Variants in SMC5 observed in about 807,000 individuals in gnomAD.
SMC5 encodes structural maintenance of chromosomes 5, also known as structural maintenance of chromosomes protein 5.
SMC5 carries 88 observed loss-of-function variants against 148.3 expected under a neutral mutation model. The observed-to-expected ratio is 0.59, with a 90% CI of 0.50 to 0.71. The LOEUF (loss-of-function observed/expected upper bound fraction) is 0.71. Ranked by LOEUF, SMC5 falls within the 30% of genes least tolerant of loss-of-function variation. The pLI is 0.00. For synonymous variants in SMC5, 421 were observed against 432.8 expected (o/e 0.97, Z 0.34); for missense variants, 1,142 against 1,298.9 (o/e 0.88, Z 1.86).
chr9:70,260,839 C>T (rs979224785), intron 1 of SMC5, among the ~76,000 whole-genome samples: 1 of 152,184 alleles, frequency 6.6e-6, no homozygotes, highest in Admixed American at 6.5e-5. Flanking sequence ...ACCTCCCCTT[C>T]TCAAGTGATC....
chr9:70,265,204 C>T (rs568806683), intron 2 of SMC5, among the ~76,000 whole-genome samples: 5 of 152,154 alleles, frequency 3.3e-5, no homozygotes, highest in African/African-American at 1.2e-4. Context: ...TGGCTGGGTG[C>T]GGTAGCTCAT....
intron 17 of SMC5, among the ~76,000 whole-genome samples, chr9:70,331,044 A>G (rs2036205921): frequency 6.6e-6 from 1 of 152,242 alleles, no homozygotes; most frequent in South Asian, 2.1e-4. Flanking sequence ...GTCAGATAGT[A>G]AATTTTCATC....
chr9:70,260,178 C>T (rs963839178), intron 1 of SMC5, among the ~76,000 whole-genome samples: 1 of 152,168 alleles, frequency 6.6e-6, no homozygotes, highest in Admixed American at 6.5e-5. Flanking sequence ...AATCTCGGCT[C>T]ACTGCAACCT....
At chr9:70,298,295 T>C in intron 9 of SMC5, 74 bp downstream of exon 9, 1 of 1,456,402 alleles carries the variant, frequency 6.9e-7, no homozygotes, top group Non-Finnish European at 9.2e-7. Flanking sequence ...TTCTTCTGCT[T>C]CTATAATTAT....
intron 8 of SMC5, among the ~76,000 whole-genome samples, chr9:70,295,156 C>A (rs1040161161): frequency 6.6e-6 from 1 of 151,958 alleles, no homozygotes; most frequent in Non-Finnish European, 1.5e-5. Context: ...AGCCAAGTTT[C>A]CATTAGAACA....
chr9:70,349,550 T>A (rs1235778932), intron 22 of SMC5, among the ~76,000 whole-genome samples: 1 of 152,196 alleles, frequency 6.6e-6, no homozygotes, highest in Non-Finnish European at 1.5e-5. Flanking sequence ...TTTTGCTGAG[T>A]ATTGTGTGTA....
At chr9:70,263,824 G>C (rs1263563674) in intron 1 of SMC5, among the ~76,000 whole-genome samples, 2 of 152,062 alleles carry the variant, frequency 1.3e-5, no homozygotes, top group African/African-American at 4.8e-5. Context: ...TGAAACCTTT[G>C]GGTTGAGATA....
At chr9:70,313,276 T>C (rs927202062) in intron 11 of SMC5, among the ~76,000 whole-genome samples, 1 of 152,196 alleles carries the variant, frequency 6.6e-6, no homozygotes, top group Non-Finnish European at 1.5e-5. Context: ...AGTTCTAGAA[T>C]TTTCATTTAA....
chr9:70,300,054 G>A lies in SMC5; in HGVS notation c.1318G>A (p.Asp440Asn), dbSNP rs747834065. 33 of 1,567,048 alleles carry A rather than the reference G, an allele frequency of 2.1e-5. No individual in the cohort carries two copies. The East Asian group carries it at 2.8e-4, about 13-fold the overall frequency. ...TTGTTTTACAATTTTAGGTGTGGAC[G>A]ATCATATTGTACGTTTTGACAATCT... Reference protein sequence around the residue: ...TLEKEKKSVDDHIVRFDNLMN... With the variant: ...TLEKEKKSVDNHIVRFDNLMN... Residue 440 changes from aspartate (D) to asparagine (N), a missense_variant, in exon 10 of 25, where the codon GAT (aspartate) becomes AAT (asparagine). Transcript: ENST00000361138.
chr9:70,263,730 T>C (rs1044327824), intron 1 of SMC5, among the ~76,000 whole-genome samples: 9 of 152,228 alleles, frequency 5.9e-5, no homozygotes, highest in African/African-American at 2.2e-4. Flanking sequence ...AGTAGTACCC[T>C]GGCCTCAGGC....
At chr9:70,319,278 T>C (rs542644290) in intron 15 of SMC5, among the ~76,000 whole-genome samples, 133 of 152,348 alleles carry the variant, frequency 8.7e-4, no homozygotes, top group African/African-American at 3.1e-3. Context: ...AAACTGAGAA[T>C]GTTTAAAATA....
At position 70,266,285 on chromosome 9, in the gene SMC5, T is replaced by A. The variant is rs150653244; in HGVS notation, c.328-1638T>A. 3.9e-3 allele frequency among the ~76,000 whole-genome samples: 599 copies of A among 152,266 alleles called. 3 individuals carry two copies. Among genetic ancestry groups the A allele is most frequent in the African/African-American group, 0.013 (554 of 41,542 alleles). On this transcript the variant is annotated intron_variant, in intron 2 of 24. Transcript: ENST00000361138. ...TGTGTTTAGTGCTATATGGAAGACA[T>A]TTATCAGGTAGAAGATACTTTTCTC...
At chr9:70,318,411 A>T in intron 13 of SMC5, 103 bp from the exon 14 acceptor site, 1 of 982,950 alleles carries the variant, frequency 1.0e-6, no homozygotes, top group Non-Finnish European at 1.4e-6. Flanking sequence ...TATATCTCGT[A>T]TATTTTGATC....
intron 2 of SMC5, among the ~76,000 whole-genome samples, chr9:70,265,747 G>A (rs938316587): frequency 6.6e-6 from 1 of 152,130 alleles, no homozygotes; most frequent in Non-Finnish European, 1.5e-5. Context: ...ACAGACTTTA[G>A]AGCAAAAAGT....
At chr9:70,303,509 G>A (rs1310945774) in intron 10 of SMC5, among the ~76,000 whole-genome samples, 1 of 152,066 alleles carries the variant, frequency 6.6e-6, no homozygotes, top group Non-Finnish European at 1.5e-5. Flanking sequence ...TGGTTTTCAT[G>A]TGGTTTTAAT....
intron 1 of SMC5, among the ~76,000 whole-genome samples, chr9:70,260,123 G>C (rs938037413): frequency 2.0e-5 from 3 of 150,322 alleles, no homozygotes; most frequent in Admixed American, 2.0e-4. Context: ...TTTTGTTTTT[G>C]AGACGGAGTG....
rs1210110699 is a variant in SMC5, at chr9:70,352,751, A to G, written c.*420A>G. ...CTAAGTCCTAGTTTCTCCCAATGTTATATTTAATTTTAAAAAATTGATATG... is the reference window on the plus strand; with the variant it reads ...CTAAGTCCTAGTTTCTCCCAATGTTGTATTTAATTTTAAAAAATTGATATG... On this transcript the variant is annotated 3_prime_UTR_variant, in exon 25 of 25. Coordinates refer to ENST00000361138, the MANE Select transcript of SMC5 (RefSeq NM_015110.4). 1 of 153,728 alleles carries G rather than the reference A, an allele frequency of 6.5e-6. No individual in the cohort carries two copies. Among genetic ancestry groups the G allele is most frequent in the Non-Finnish European group, 1.4e-5 (1 of 69,138 alleles). The allele number at this position is 153,728 out of a possible 1,614,324, so 9.5% of individuals were successfully genotyped here. A position where few individuals can be genotyped will look rare whatever the true frequency, so the allele number is the denominator to read the frequency against.
chr9:70,303,570 A>G (rs2035418885), intron 10 of SMC5, among the ~76,000 whole-genome samples: 1 of 152,182 alleles, frequency 6.6e-6, no homozygotes, highest in Non-Finnish European at 1.5e-5. Context: ...GTATTCTATA[A>G]TTTAAAATAG....
rs1368943064 is a variant in SMC5, at chr9:70,353,532, TA to T, written c.*1202del. Reference sequence around the variant, plus strand: ...GGATCTGTGCCAGTAATGACAAAATTATTTTTTTGACTTGCTTGCCTGAATA... The same window carrying T: ...GGATCTGTGCCAGTAATGACAAAATTTTTTTTTGACTTGCTTGCCTGAATA... On this transcript the variant is annotated 3_prime_UTR_variant, in exon 25 of 25. Transcript: ENST00000361138. 2.0e-5 allele frequency: 3 copies of T among 152,238 alleles called. No homozygotes were observed. The highest frequency in any genetic ancestry group is 4.4e-5 in the Non-Finnish European group (3 of 68,018). The allele number at this position is 152,238 out of a possible 1,614,324, so 9.4% of individuals were successfully genotyped here.
Sources: allele counts gnomAD v4.1 joint callset (sites outside exome capture counted in the v4.1 genomes callset), GRCh38; gene constraint gnomAD v4.1.1; transcripts MANE v1.5; gene names NCBI Gene and HGNC (gene_info 2026-07-23, HGNC 2026-07-21).